Variants in COL9A1 observed in about 807,000 individuals in gnomAD.
COL9A1 encodes collagen type IX alpha 1 chain.
A neutral mutation model predicts 142.6 loss-of-function variants in COL9A1; 104 were observed. The ratio of observed to expected loss-of-function variants is 0.73; its 90% confidence interval spans 0.62 to 0.86. The LOEUF is 0.86. COL9A1 is among the 40% of genes least tolerant of loss of function. The pLI is 0.00. For synonymous variants in COL9A1, 466 were observed against 396.0 expected (o/e 1.18, Z -2.10); for missense variants, 1,210 against 1,176.6 (o/e 1.03, Z -0.42).
intron 25 of COL9A1, among the ~76,000 whole-genome samples, chr6:70,254,152 C>T (rs977351636): frequency 2.0e-5 from 3 of 152,006 alleles, no homozygotes; most frequent in Admixed American, 6.6e-5. Flanking sequence ...GCTTTAGAAC[C>T]GGTTTAAAGT....
rs145207010 is a variant in COL9A1, at chr6:70,294,183, G to A, written c.680C>T (p.Pro227Leu). Residue 227 changes from proline (P) to leucine (L), a missense_variant, in exon 5 of 38, where the codon CCT (proline) becomes CTT (leucine). Transcript: ENST00000357250. Reference sequence around the variant, plus strand: ...TATACTTACTGGAACAGAAACTTGAGGATTATCTGCAAGTTTTCCCAGCAC... The same window carrying A: ...TATACTTACTGGAACAGAAACTTGAAGATTATCTGCAAGTTTTCCCAGCAC... ...FAVLGKLADN[P>L]QVSVPFELQW... The A allele has an allele frequency of 8.9e-5, 144 of 1,613,960 alleles. No homozygotes were observed. Among genetic ancestry groups the A allele is most frequent in the Admixed American group, 6.0e-4 (36 of 60,016 alleles).
rs374569401 is a variant in COL9A1 at position 70,283,737 on chromosome 6, C to A, written c.780G>T (p.Thr260=). ...ETCHELPARI[T]PSQTTDERGP... ...CTTTGCAGGTAGTCAGGGGACTCAC[C>A]GTTATTCTGGCTGGCAGCTCATGGC... Residue 260 remains threonine, a splice_region_variant and synonymous_variant, in exon 6 of 38, where the codon ACG becomes ACT. Coordinates refer to ENST00000357250, the MANE Select transcript of COL9A1 (RefSeq NM_001851.6). 3.1e-6 allele frequency: 5 copies of A among 1,609,754 alleles called. No individual in the cohort carries two copies. Among genetic ancestry groups the A allele is most frequent in the Non-Finnish European group, 4.2e-6 (5 of 1,178,000 alleles).
At chr6:70,280,031 A>G in intron 10 of COL9A1, 2 of 692,238 alleles carry the variant, frequency 2.9e-6, no homozygotes, top group Non-Finnish European at 5.4e-6. Flanking sequence ...GGTCATTATT[A>G]CATATTGTTA....
chr6:70,226,108 G>A (rs546606054), intron 36 of COL9A1, 99 bp from the exon 37 acceptor site: 3 of 1,083,740 alleles, frequency 2.8e-6, no homozygotes, highest in Non-Finnish European at 2.7e-6. Context: ...GAAACCAAAA[G>A]GTCATGAAAT....
chr6:70,292,803 C>A (rs925960331), intron 5 of COL9A1, among the ~76,000 whole-genome samples: 31 of 152,156 alleles, frequency 2.0e-4, no homozygotes, highest in Non-Finnish European at 4.4e-4. Flanking sequence ...GAGAACCTTT[C>A]CAGTGTCATT....
chr6:70,282,871 T>C, intron 7 of COL9A1, 27 bp downstream of exon 7: 1 of 1,613,904 alleles, frequency 6.2e-7, no homozygotes, highest in Non-Finnish European at 8.5e-7. Flanking sequence ...GCTTGAAAAA[T>C]GCAAACACTC....
At position 70,274,729 on chromosome 6, in the gene COL9A1, T is replaced by G; in HGVS notation, c.1019A>C (p.Lys340Thr). 1 of 1,612,232 alleles carries G rather than the reference T, an allele frequency of 6.2e-7. No individual in the cohort carries two copies. Among genetic ancestry groups the G allele is most frequent in the South Asian group, 1.1e-5 (1 of 91,042 alleles). ...PDGSPGSIGS[K>T]GQKGEPGVPG... ...AGATGGCTAACTTACTTTTTGTCCC[T>G]TTGACCCAATGGAGCCAGGGGATCC... The change falls in exon 11 of 38, where the codon AAG (lysine) becomes ACG (threonine). Residue 340 changes from lysine to threonine, a missense_variant. Transcript: ENST00000357250.
chr6:70,263,860 C>T (rs1771851790), intron 18 of COL9A1, among the ~76,000 whole-genome samples: 1 of 151,792 alleles, frequency 6.6e-6, no homozygotes, highest in Admixed American at 6.6e-5. Context: ...AAGCCTTTTC[C>T]ACTCTAAAAA....
chr6:70,250,594 T>C (rs965748376), intron 28 of COL9A1, among the ~76,000 whole-genome samples: 1 of 152,198 alleles, frequency 6.6e-6, no homozygotes, highest in African/African-American at 2.4e-5. Flanking sequence ...AGAAATTCCA[T>C]TCTCATGGCA....
intron 10 of COL9A1, 137 bp downstream of exon 10, chr6:70,280,675 G>A: frequency 7.5e-7 from 1 of 1,324,946 alleles, no homozygotes. Context: ...TCAGGCGCTG[G>A]CAGGAGGCCA....
intron 6 of COL9A1, 90 bp downstream of exon 6, chr6:70,283,647 G>T: frequency 1.1e-6 from 1 of 914,566 alleles, no homozygotes; most frequent in Non-Finnish European, 1.8e-6. Flanking sequence ...GGGAGGAGGG[G>T]TGCTGGGGAG....
Position 70,263,956 on chromosome 6 carries a change from G to A in COL9A1, c.1342-659C>T, listed in dbSNP as rs147671609. 1.9e-3 allele frequency among the ~76,000 whole-genome samples: 290 copies of A among 151,880 alleles called. 1 individual carries two copies. Among genetic ancestry groups the A allele is most frequent in the African/African-American group, 6.6e-3 (274 of 41,510 alleles). The stretch of plus-strand genomic sequence containing the variant: ...AATTTGTTTGGATGTAAAGCAAAAC[G>A]TATACATCTTTTTTCTTTTTTCTTA... On this transcript the variant is annotated intron_variant, in intron 18 of 37. Coordinates refer to ENST00000357250, the MANE Select transcript of COL9A1 (RefSeq NM_001851.6).
chr6:70,222,739 C>CT (rs543872078), intron 37 of COL9A1: 36,242 of 146,954 alleles, frequency 0.25, 5,065 homozygotes, highest in East Asian at 0.44. Context: ...ATCCAACTAT[C>CT]TTTTTTTTTT....
At position 70,241,970 on chromosome 6, in the gene COL9A1, A is replaced by T. The variant is rs138810927; in HGVS notation, c.1992T>A (p.Gly664=). 2.1e-5 allele frequency: 33 copies of T among 1,594,156 alleles called. No individual in the cohort carries two copies. The South Asian group carries it at 3.8e-4, about 18-fold the overall frequency. The change falls in exon 30 of 38, where the codon GGT becomes GGA. Residue 664 remains glycine (G), a synonymous_variant. Coordinates refer to ENST00000357250, the MANE Select transcript of COL9A1 (RefSeq NM_001851.6). The part of the protein sequence containing the change: ...PGPPGLPGMK[G]DRGVVGEPGP... ...GGAGTGCTGGAGCTCTTACCCTGTC[A>T]CCTTTCATTCCAGGAAGTCCAGGGG...
chr6:70,271,738 A>G, intron 13 of COL9A1, 30 bp from the exon 14 acceptor site: 1 of 1,586,838 alleles, frequency 6.3e-7, no homozygotes, highest in Non-Finnish European at 8.7e-7. Flanking sequence ...GCAAATGGTC[A>G]TTTATGAATA....
At chr6:70,300,007 T>G in intron 4 of COL9A1, 36 bp downstream of exon 4, 1 of 1,593,326 alleles carries the variant, frequency 6.3e-7, no homozygotes, top group Non-Finnish European at 8.6e-7. Flanking sequence ...TGCATTTGAG[T>G]CAGATAATTA....
At chr6:70,286,931 A>G (rs1402582135) in intron 5 of COL9A1, among the ~76,000 whole-genome samples, 2 of 152,216 alleles carry the variant, frequency 1.3e-5, no homozygotes, top group African/African-American at 4.8e-5. Context: ...CATATAACAC[A>G]TTCATGTGCT....
At chr6:70,264,818 T>C (rs1016099153) in intron 18 of COL9A1, among the ~76,000 whole-genome samples, 3 of 152,128 alleles carry the variant, frequency 2.0e-5, no homozygotes, top group Non-Finnish European at 4.4e-5. Context: ...ATTTTGATTA[T>C]TGAAATTTTA....
intron 10 of COL9A1, among the ~76,000 whole-genome samples, chr6:70,278,328 C>G (rs1772901604): frequency 6.6e-6 from 1 of 152,148 alleles, no homozygotes; most frequent in South Asian, 2.1e-4. Context: ...ATCAAGAAAT[C>G]TGGACTATTT....
Sources: gnomAD v4.1 joint callset for allele counts (sites outside exome capture counted in the v4.1 genomes callset) on GRCh38, gnomAD v4.1.1 for gene constraint, MANE v1.5 for transcripts, NCBI Gene and HGNC (gene_info 2026-07-23, HGNC 2026-07-21) for gene names.